The following MTHFD2L variants were observed in gnomAD, a reference collection of about 807,000 sequenced individuals.
MTHFD2L encodes bifunctional methylenetetrahydrofolate dehydrogenase/cyclohydrolase 2, mitochondrial.
Under a neutral mutation model 34.9 loss-of-function variants are expected in MTHFD2L, and 29 were observed. The ratio of observed to expected loss-of-function variants is 0.83; its 90% CI spans 0.62 to 1.13. The LOEUF is 1.13. Ranked by LOEUF, MTHFD2L falls within the 50% of genes most tolerant of loss-of-function variation. MTHFD2L has a pLI of 0.00. For missense variants in MTHFD2L, 481 were observed against 446.5 expected (o/e 1.08, Z -0.70); for synonymous variants, 167 against 155.7 (o/e 1.07, Z -0.54).
chr4:74,248,730 C>T (rs1489760408), intron 6 of MTHFD2L, among the ~76,000 whole-genome samples: 4 of 150,912 alleles, frequency 2.7e-5, no homozygotes, highest in South Asian at 2.1e-4. Flanking sequence ...GCCTTCATTT[C>T]GTTATGTACC....
chr4:74,130,406 A>T (rs1229167878), intron 1 of MTHFD2L, among the ~76,000 whole-genome samples: 2 of 152,234 alleles, frequency 1.3e-5, no homozygotes. Context: ...TGTCCGCTTC[A>T]TTCCTGAGAT....
At chr4:74,132,121 G>C (rs1722556927) in intron 1 of MTHFD2L, among the ~76,000 whole-genome samples, 1 of 152,096 alleles carries the variant, frequency 6.6e-6, no homozygotes, top group Non-Finnish European at 1.5e-5. Flanking sequence ...GAGAAATAGG[G>C]ATGCTTTTAT....
At chr4:74,244,324 ATGGGTCAGAG>A (rs1414800751) in intron 6 of MTHFD2L, among the ~76,000 whole-genome samples, 1 of 152,212 alleles carries the variant, frequency 6.6e-6, no homozygotes, top group Non-Finnish European at 1.5e-5. Flanking sequence ...TTTGCAGGAA[ATGGGTCAGAG>A]TGCTGAATCA....
At chr4:74,177,789 TCTGCACTCCTAAAGTAATG>T (rs1322131386) in intron 3 of MTHFD2L, among the ~76,000 whole-genome samples, 1 of 152,016 alleles carries the variant, frequency 6.6e-6, no homozygotes, top group African/African-American at 2.4e-5. Flanking sequence ...CAAAGAGATA[TCTGCACTCCTAAAGTAATG>T]CTGCACATTG....
chr4:74,228,423 C>CA (rs1739510912), intron 6 of MTHFD2L, among the ~76,000 whole-genome samples: 1 of 152,184 alleles, frequency 6.6e-6, no homozygotes, highest in African/African-American at 2.4e-5. Flanking sequence ...CTAATGTTAA[C>CA]AGCTTGTACA....
At chr4:74,164,959 A>G in intron 1 of MTHFD2L, 1 of 985,274 alleles carries the variant, frequency 1.0e-6, no homozygotes, top group Non-Finnish European at 1.2e-6. Context: ...CTGAGCAAGT[A>G]ATGACAGGGC....
chr4:74,174,794 T>C (rs1728713353), intron 2 of MTHFD2L, 104 bp downstream of exon 2: 1 of 752,624 alleles, frequency 1.3e-6, no homozygotes, highest in African/African-American at 1.8e-5. Context: ...GCCATTTGAA[T>C]TGCATGTATT....
chr4:74,191,650 A>G (rs1247687673), intron 3 of MTHFD2L, among the ~76,000 whole-genome samples: 1 of 152,066 alleles, frequency 6.6e-6, no homozygotes, highest in African/African-American at 2.4e-5. Flanking sequence ...TCCCGGGTTC[A>G]AGCAGTTCTC....
At chr4:74,118,435 T>C (rs1467597611), upstream of MTHFD2L, among the ~76,000 whole-genome samples, 2 of 152,118 alleles carry the variant, frequency 1.3e-5, no homozygotes, top group African/African-American at 2.4e-5. Flanking sequence ...TAAATATCAG[T>C]AGAAACAGAG....
chr4:74,246,128 C>T (rs1167420530), intron 6 of MTHFD2L, among the ~76,000 whole-genome samples: 4 of 142,768 alleles, frequency 2.8e-5, no homozygotes, highest in Middle Eastern at 3.6e-3. Context: ...TCCACATCCT[C>T]TCCAGCACCT....
intron 3 of MTHFD2L, among the ~76,000 whole-genome samples, chr4:74,192,119 C>T (rs908945627): frequency 4.6e-5 from 7 of 151,672 alleles, no homozygotes; most frequent in South Asian, 4.2e-4. Context: ...GCAGAGGAGG[C>T]GGTTAAAAAA....
intron 6 of MTHFD2L, chr4:74,268,249 G>A (rs1390735436): frequency 2.0e-6 from 2 of 982,956 alleles, no homozygotes; most frequent in East Asian, 1.1e-4. Flanking sequence ...TGTCTGCAAA[G>A]CAAATAATGC....
chr4:74,170,369 A>G (rs1451286131), intron 1 of MTHFD2L, among the ~76,000 whole-genome samples: 1 of 152,216 alleles, frequency 6.6e-6, no homozygotes, highest in Non-Finnish European at 1.5e-5. Flanking sequence ...CTCGAGAAAA[A>G]CATATGATCA....
intron 1 of MTHFD2L, among the ~76,000 whole-genome samples, chr4:74,171,765 T>G (rs1266950892): frequency 6.6e-6 from 1 of 152,180 alleles, no homozygotes; most frequent in Non-Finnish European, 1.5e-5. Flanking sequence ...ATCTTGCCAC[T>G]GAACTGCAGC....
At chr4:74,208,837 G>A (rs371865961) in intron 5 of MTHFD2L, among the ~76,000 whole-genome samples, 1 of 152,004 alleles carries the variant, frequency 6.6e-6, no homozygotes, top group Non-Finnish European at 1.5e-5. Context: ...GTCTCATTTC[G>A]CCCTCTAAAG....
intron 3 of MTHFD2L, chr4:74,193,935 G>T (rs4694665): frequency 0.98 from 148,752 of 152,234 alleles, 72,759 homozygotes; most frequent in East Asian, 1. Context: ...CACTAGGCCT[G>T]CCAACAAAGC....
intron 5 of MTHFD2L, among the ~76,000 whole-genome samples, chr4:74,211,771 C>G (rs374315315): frequency 6.6e-6 from 1 of 151,438 alleles, no homozygotes; most frequent in Non-Finnish European, 1.5e-5. Context: ...ACCAGCTGCT[C>G]TTTGTACTTA....
chr4:74,128,162 G>A (rs1200572233), intron 1 of MTHFD2L, among the ~76,000 whole-genome samples: 5 of 151,952 alleles, frequency 3.3e-5, no homozygotes, highest in Non-Finnish European at 2.9e-5. Flanking sequence ...CTTGTGAAAT[G>A]GATAGTTTAT....
intron 1 of MTHFD2L, among the ~76,000 whole-genome samples, chr4:74,149,819 TTTA>T (rs1723821546): frequency 6.6e-6 from 1 of 152,162 alleles, no homozygotes; most frequent in South Asian, 2.1e-4. Context: ...CCAAAAAATG[TTTA>T]TATCCTAGGT....
Sources: gnomAD v4.1 joint callset for allele counts (sites outside exome capture counted in the v4.1 genomes callset) on GRCh38, gnomAD v4.1.1 for gene constraint, MANE v1.5 for transcripts, NCBI Gene and HGNC (gene_info 2026-07-23, HGNC 2026-07-21) for gene names.